The following NRP1 variants were observed in gnomAD, a reference collection of about 807,000 sequenced individuals.
NRP1 encodes the protein neuropilin-1.
NRP1 carries 35 observed loss-of-function variants against 106.7 expected under a neutral mutation model. The observed-to-expected ratio is 0.33, with a 90% CI of 0.25 to 0.43. The LOEUF (loss-of-function observed/expected upper bound fraction) is 0.43, where lower values mean the gene tolerates loss of function less well. NRP1 is among the 20% of genes least tolerant of loss of function. NRP1 has a pLI of 1.00. For synonymous variants in NRP1, 437 were observed against 417.9 expected (o/e 1.05, Z -0.56); for missense variants, 1,024 against 1,170.4 (o/e 0.87, Z 1.83).
intron 6 of NRP1, among the ~76,000 whole-genome samples, chr10:33,230,637 G>T (rs950760250): frequency 7.1e-6 from 1 of 140,088 alleles, no homozygotes; most frequent in Non-Finnish European, 1.6e-5. Flanking sequence ...GTGTGTGTGT[G>T]TATGTATCTC....
intron 10 of NRP1, among the ~76,000 whole-genome samples, chr10:33,204,657 A>G (rs1002044938): frequency 1.3e-5 from 2 of 152,178 alleles, no homozygotes; most frequent in Admixed American, 6.6e-5. Context: ...CAACGGAAAA[A>G]AAAAGGAGGA....
At chr10:33,236,319 G>T (rs750184925) in intron 6 of NRP1, among the ~76,000 whole-genome samples, 5 of 152,330 alleles carry the variant, frequency 3.3e-5, no homozygotes, top group Non-Finnish European at 7.4e-5. Flanking sequence ...AAAATCTTCC[G>T]GTCAAGAACC....
intron 6 of NRP1, among the ~76,000 whole-genome samples, chr10:33,244,337 T>C (rs1328706922): frequency 1.3e-5 from 2 of 152,230 alleles, no homozygotes; most frequent in East Asian, 1.9e-4. Flanking sequence ...TGAACATTAA[T>C]GCACTCTGTA....
chr10:33,271,426 A>G (rs542847252), intron 2 of NRP1, among the ~76,000 whole-genome samples: 6 of 152,336 alleles, frequency 3.9e-5, no homozygotes, highest in South Asian at 2.1e-4. Flanking sequence ...GCCACATCCA[A>G]TAGTTAAAAC....
chr10:33,218,981 GTCC>G (rs1839009443), intron 8 of NRP1, among the ~76,000 whole-genome samples: 1 of 152,110 alleles, frequency 6.6e-6, no homozygotes, highest in African/African-American at 2.4e-5. Context: ...GAATACTGTA[GTCC>G]TCCTTTCATT....
At chr10:33,298,218 G>C (rs948620821) in intron 2 of NRP1, among the ~76,000 whole-genome samples, 1 of 152,132 alleles carries the variant, frequency 6.6e-6, no homozygotes, top group Non-Finnish European at 1.5e-5. Flanking sequence ...TCTACACTGG[G>C]TGACTAGTGA....
chr10:33,232,218 G>C (rs768149874), intron 6 of NRP1, among the ~76,000 whole-genome samples: 2 of 151,890 alleles, frequency 1.3e-5, no homozygotes, highest in Non-Finnish European at 2.9e-5. Flanking sequence ...TGTTTTGGAG[G>C]GTTCATCGTC....
chr10:33,229,130 T>C (rs1358919605), intron 6 of NRP1, among the ~76,000 whole-genome samples: 1 of 152,208 alleles, frequency 6.6e-6, no homozygotes, highest in Non-Finnish European at 1.5e-5. Flanking sequence ...GTGTGTTCCA[T>C]ACAACATTTG....
chr10:33,286,407 C>T (rs1844546505), intron 2 of NRP1, among the ~76,000 whole-genome samples: 1 of 152,176 alleles, frequency 6.6e-6, no homozygotes, highest in South Asian at 2.1e-4. Context: ...TCCATTCCTA[C>T]ATCCTCCTCC....
intron 2 of NRP1, among the ~76,000 whole-genome samples, chr10:33,302,021 CAGAG>C (rs141866907): frequency 1.3e-3 from 192 of 151,472 alleles, no homozygotes; most frequent in African/African-American, 4.4e-3. Flanking sequence ...GAGCAAGAGA[CAGAG>C]AGAGAGAGAA....
At chr10:33,203,588 G>C (rs1837516272) in intron 10 of NRP1, among the ~76,000 whole-genome samples, 1 of 152,126 alleles carries the variant, frequency 6.6e-6, no homozygotes, top group African/African-American at 2.4e-5. Context: ...CAGGGCAGGT[G>C]TGTGAGAGAA....
chr10:33,293,093 C>T (rs929038400), intron 2 of NRP1, among the ~76,000 whole-genome samples: 3 of 152,104 alleles, frequency 2.0e-5, no homozygotes, highest in Non-Finnish European at 4.4e-5. Flanking sequence ...GACAGGCTTC[C>T]GATTTGTCTT....
chr10:33,202,905 T>C lies in NRP1; in HGVS notation c.1850A>G (p.Asp617Gly). 6.2e-7 allele frequency: 1 copy of C among 1,614,216 alleles called. No individual in the cohort carries two copies. The highest frequency in any genetic ancestry group is 8.5e-7 in the Non-Finnish European group (1 of 1,180,026). The change falls in exon 11 of 17, where the codon GAC becomes GGC. Residue 617 changes from aspartate (D) to glycine (G), a missense_variant. Transcript: ENST00000374867. ...QANCHSGTGDDFQLTGGTTVL... is the reference protein window; with the variant it reads ...QANCHSGTGDGFQLTGGTTVL... ...GGTTTCTGCACCTGTGAGCTGGAAG[T>C]CATCACCTGTTCCACTGTGGCAGTT...
At chr10:33,316,492 G>T (rs1847046937) in intron 2 of NRP1, among the ~76,000 whole-genome samples, 1 of 152,158 alleles carries the variant, frequency 6.6e-6, no homozygotes, top group Non-Finnish European at 1.5e-5. Context: ...GTAAGTTTGA[G>T]GCCAACGCTC....
At position 33,213,642 on chromosome 10, in the gene NRP1, C is replaced by T. The variant is rs375128788; in HGVS notation, c.1358G>A (p.Gly453Glu). Residue 453 changes from glycine (G) to glutamate (E), a missense_variant, in exon 9 of 17, where the codon GGG becomes GAG. This residue lies in a region of NRP1 where 562 missense variants were observed against 620.3 expected (regional missense o/e 0.91). Coordinates refer to ENST00000374867, the MANE Select transcript of NRP1 (RefSeq NM_003873.7). ...SDSQITSSNQ[G>E]DRNWMPENIR... is the part of the protein sequence containing the mutation. ...GTTTTCAGGCATCCAGTTTCTGTCCCCTTGGTTGGATGATGTGATCTGGGA... is the reference window on the plus strand; with the variant it reads ...GTTTTCAGGCATCCAGTTTCTGTCCTCTTGGTTGGATGATGTGATCTGGGA... 1.2e-6 allele frequency: 2 copies of T among 1,614,032 alleles called. No individual in the cohort carries two copies. Among genetic ancestry groups the T allele is most frequent in the Non-Finnish European group, 8.5e-7 (1 of 1,180,000 alleles).
rs1386458841 is a variant in NRP1, at chr10:33,194,632, GT to G, written c.1925-2215del. On this transcript the variant is annotated intron_variant, in intron 12 of 16. Coordinates refer to ENST00000374867, the MANE Select transcript of NRP1 (RefSeq NM_003873.7). Reference sequence around the variant, plus strand: ...CATTTAACCAGGTGAACCGCTCTAAGTTTTTGTATTTTACTGCTCTTTTATC... The same window carrying G: ...CATTTAACCAGGTGAACCGCTCTAAGTTTTGTATTTTACTGCTCTTTTATC... The G allele has an allele frequency of 1.5e-5, 7 of 463,936 alleles. No individual in the cohort carries two copies. The East Asian group carries it at 4.8e-4, about 32-fold the overall frequency. The allele number at this position is 463,936 out of a possible 1,614,324, so 28.7% of individuals were successfully genotyped here. A position where few individuals can be genotyped will look rare whatever the true frequency, so the allele number is the denominator to read the frequency against.
At chr10:33,308,058 C>T (rs1259807901) in intron 2 of NRP1, among the ~76,000 whole-genome samples, 2 of 152,144 alleles carry the variant, frequency 1.3e-5, no homozygotes, top group African/African-American at 4.8e-5. Flanking sequence ...AGATCATGTC[C>T]TTTTCAGGAA....
intron 6 of NRP1, among the ~76,000 whole-genome samples, chr10:33,249,880 G>C (rs988329673): frequency 2.7e-5 from 4 of 150,638 alleles, no homozygotes; most frequent in Admixed American, 1.3e-4. Context: ...CGTTCATATC[G>C]ACAGTTAATG....
intron 3 of NRP1, among the ~76,000 whole-genome samples, chr10:33,266,307 G>T (rs1842912553): frequency 6.6e-6 from 1 of 152,162 alleles, no homozygotes; most frequent in South Asian, 2.1e-4. Flanking sequence ...ATTCCATGGG[G>T]CGATGGACAA....
Sources: gnomAD v4.1 joint callset for allele counts (sites outside exome capture counted in the v4.1 genomes callset) on GRCh38, gnomAD v4.1.1 for gene constraint, gnomAD v4.1.1 regional missense constraint, MANE v1.5 for transcripts, NCBI Gene and HGNC (gene_info 2026-07-23, HGNC 2026-07-21) for gene names.